GMNC: variants seen among roughly 807,000 people sequenced by gnomAD.
The protein encoded by GMNC is geminin coiled-coil domain containing, also known as geminin coiled-coil domain-containing protein 1.
In GMNC, 16 loss-of-function variants were observed where a neutral mutation model predicts 33.6. That is an observed-to-expected ratio of 0.48 (90% CI 0.32 to 0.72). The LOEUF is 0.72. GMNC is among the 30% of genes least tolerant of loss of function. The probability of loss-of-function intolerance (pLI) is 0.03; values close to 1 mark genes in which losing one functional copy is unlikely to be tolerated. For missense variants in GMNC, 393 were observed against 388.9 expected (o/e 1.01, Z -0.09); for synonymous variants, 156 against 147.3 (o/e 1.06, Z -0.43).
chr3:190,860,662 G>A (rs1484680750), intron 2 of GMNC, 22 bp downstream of exon 2: 1 of 1,534,080 alleles, frequency 6.5e-7, no homozygotes, highest in Non-Finnish European at 8.8e-7. Context: ...ATCTATCAGG[G>A]AAGCAGAAGA....
downstream of GMNC, among the ~76,000 whole-genome samples, chr3:190,848,536 A>G (rs1359014040): frequency 6.6e-6 from 1 of 152,224 alleles, no homozygotes; most frequent in Non-Finnish European, 1.5e-5. Flanking sequence ...TTTGAAGACA[A>G]TAGGAAAACA....
chr3:190,846,118 A>T, the GMNC span, among the ~76,000 whole-genome samples: 2 of 152,242 alleles, frequency 1.3e-5, no homozygotes, highest in South Asian at 4.1e-4. Flanking sequence ...GATCCCAGCT[A>T]CTTGGGAGGC....
At chr3:190,851,869 A>G (rs1737639585), downstream of GMNC, among the ~76,000 whole-genome samples, 1 of 151,986 alleles carries the variant, frequency 6.6e-6, no homozygotes, top group Non-Finnish European at 1.5e-5. Context: ...ATATAATTAG[A>G]AATATTTCAA....
chr3:190,861,005 A>ATATTAATTTTGGGGTGGTCAAAT lies in GMNC; in HGVS notation c.4-170_4-148dup. ...CAGAAAAGGTGTTAAGTATAGATCC[A>ATATTAATTTTGGGGTGGTCAAAT]TATTAATTTTGGGGTGGTCAAATTA... On this transcript the variant is annotated intron_variant, in intron 1 of 4. Transcript: ENST00000442080. This position sits in a 1 kb window ranked among gnomAD's most constrained non-coding sequence, Gnocchi z 5.1. 3.5e-6 allele frequency: 2 copies of ATATTAATTTTGGGGTGGTCAAAT among 564,336 alleles called. No individual in the cohort carries two copies. 35.0% of individuals were successfully genotyped at this position (564,336 alleles called of 1,614,324 possible).
At chr3:190,859,919 G>A (rs1737825854) in intron 2 of GMNC, 1 of 392,168 alleles carries the variant, frequency 2.5e-6, no homozygotes, top group Non-Finnish European at 5.1e-6. Flanking sequence ...TGTTTTTACT[G>A]TTGCTTGTAG....
rs1737895764 is a variant in GMNC, at chr3:190,862,522, C to T, written c.3+91G>A. ...GGCGGGTAGCGGAGAAATCTTGCTC[C>T]GAAGGTGGAATAAATTCTAAATGCA... On this transcript the variant is annotated intron_variant, in intron 1 of 4. Coordinates refer to ENST00000442080, the MANE Select transcript of GMNC (RefSeq NM_001146686.3). The surrounding 1 kb of genome is among the most constrained non-coding windows in gnomAD (Gnocchi z 4.5). The T allele has an allele frequency of 3.0e-6, 3 of 993,764 alleles. No homozygotes were observed. Among genetic ancestry groups the T allele is most frequent in the Non-Finnish European group, 4.7e-6 (3 of 637,344 alleles). 61.6% of individuals were successfully genotyped at this position (993,764 alleles called of 1,614,324 possible).
chr3:190,844,697 GA>G, the GMNC span, among the ~76,000 whole-genome samples: 1 of 151,908 alleles, frequency 6.6e-6, no homozygotes, highest in Non-Finnish European at 1.5e-5. Context: ...TGAGCATCAG[GA>G]AAAATAGACA....
At chr3:190,851,096 TATTA>T (rs1737626965), downstream of GMNC, among the ~76,000 whole-genome samples, 2 of 152,212 alleles carry the variant, frequency 1.3e-5, no homozygotes, top group African/African-American at 2.4e-5. Context: ...TGTCTCTTGA[TATTA>T]ATCCTTCCCT....
chr3:190,862,650 C>T lies in GMNC; in HGVS notation c.-35G>A. 4 of 1,552,174 alleles carry T rather than the reference C, an allele frequency of 2.6e-6. No homozygotes were observed. Among genetic ancestry groups the T allele is most frequent in the Non-Finnish European group, 3.5e-6 (4 of 1,147,068 alleles). Reference sequence around the variant, plus strand: ...GAAGAAAGCGCTGCAGAAACTGAGCCCACTCAATTTTTCAGTAAAACCAGT... The same window carrying T: ...GAAGAAAGCGCTGCAGAAACTGAGCTCACTCAATTTTTCAGTAAAACCAGT... On this transcript the variant is annotated 5_prime_UTR_variant, in exon 1 of 5. Coordinates refer to ENST00000442080, the MANE Select transcript of GMNC (RefSeq NM_001146686.3). The surrounding 1 kb of genome is among the most constrained non-coding windows in gnomAD (Gnocchi z 4.5).
At chr3:190,850,663 C>G (rs368732404), downstream of GMNC, among the ~76,000 whole-genome samples, 121 of 152,314 alleles carry the variant, frequency 7.9e-4, no homozygotes, top group African/African-American at 2.6e-3. Flanking sequence ...CCTCACCCTT[C>G]TGTGTGTCCG....
At position 190,862,458 on chromosome 3, in the gene GMNC, A is replaced by G. The variant is rs1737894657; in HGVS notation, c.3+155T>C. ...AGAGAGAAAGCAGATAGAGGATACT[A>G]AAAGAGACACAGGGCAGCAGAGAGG... is the stretch of plus-strand genomic sequence containing the variant. On this transcript the variant is annotated intron_variant, in intron 1 of 4. Transcript: ENST00000442080. This position sits in a 1 kb window ranked among gnomAD's most constrained non-coding sequence, Gnocchi z 4.5. 6.6e-6 allele frequency among the ~76,000 whole-genome samples: 1 copy of G among 152,124 alleles called. No homozygotes were observed. The highest frequency in any genetic ancestry group is 1.5e-5 in the Non-Finnish European group (1 of 68,012).
At chr3:190,856,268 ATACT>A (rs1008687938) in intron 4 of GMNC, among the ~76,000 whole-genome samples, 1 of 145,176 alleles carries the variant, frequency 6.9e-6, no homozygotes, top group Non-Finnish European at 1.5e-5. Flanking sequence ...TTTATAAATA[ATACT>A]TATATTTATT....
chr3:190,861,496 ATCTATCT>A lies in GMNC; in HGVS notation c.4-645_4-639del, dbSNP rs1255706971. 2.6e-5 allele frequency among the ~76,000 whole-genome samples: 4 copies of A among 151,164 alleles called. No individual in the cohort carries two copies. Among genetic ancestry groups the A allele is most frequent in the Admixed American group, 2.6e-4 (4 of 15,172 alleles). ...TATCTATCTATCTATCTATCTATCTATCTATCTATCTATCTCTGTCCCAGAGATAATT... is the reference window on the plus strand; with the variant it reads ...TATCTATCTATCTATCTATCTATCTAATCTATCTCTGTCCCAGAGATAATT... On this transcript the variant is annotated intron_variant, in intron 1 of 4. Transcript: ENST00000442080. The surrounding 1 kb of genome is among the most constrained non-coding windows in gnomAD (Gnocchi z 5.1).
chr3:190,851,159 C>T (rs561903813), downstream of GMNC, among the ~76,000 whole-genome samples: 35 of 152,278 alleles, frequency 2.3e-4, no homozygotes, highest in African/African-American at 8.2e-4. Flanking sequence ...GATAATCCTG[C>T]TCAAAATTTT....
downstream of GMNC, among the ~76,000 whole-genome samples, chr3:190,847,972 G>A (rs548702039): frequency 6.6e-6 from 1 of 152,276 alleles, no homozygotes; most frequent in South Asian, 2.1e-4. Flanking sequence ...AGAACAGCTG[G>A]TAATTTTCAC....
At chr3:190,844,024 C>T in the GMNC span, among the ~76,000 whole-genome samples, 1 of 152,134 alleles carries the variant, frequency 6.6e-6, no homozygotes, top group African/African-American at 2.4e-5. Flanking sequence ...ATGGTTACTT[C>T]TTATAGTTTA....
chr3:190,845,956 T>C, the GMNC span, among the ~76,000 whole-genome samples: 1 of 152,150 alleles, frequency 6.6e-6, no homozygotes, highest in African/African-American at 2.4e-5. Context: ...GGGTGGGCAC[T>C]GTGGCTCATG....
chr3:190,852,098 A>T (rs1737644132), downstream of GMNC, among the ~76,000 whole-genome samples: 2 of 152,100 alleles, frequency 1.3e-5, no homozygotes, highest in South Asian at 4.1e-4. Context: ...TCAGAATTTA[A>T]TATTTAATCT....
At chr3:190,846,177 A>C in the GMNC span, among the ~76,000 whole-genome samples, 5 of 152,154 alleles carry the variant, frequency 3.3e-5, no homozygotes, top group African/African-American at 1.2e-4. Flanking sequence ...TGCAGTAGCC[A>C]AGATTGCATC....
Sources: allele counts gnomAD v4.1 joint callset (sites outside exome capture counted in the v4.1 genomes callset), GRCh38; gene constraint gnomAD v4.1.1; non-coding constraint Gnocchi (gnomAD v3.1); transcripts MANE v1.5; gene names NCBI Gene and HGNC (gene_info 2026-07-23, HGNC 2026-07-21).